Variants in DNAJC5B observed in about 807,000 individuals in gnomAD.
The protein encoded by DNAJC5B is dnaJ homolog subfamily C member 5B.
In DNAJC5B, 23 loss-of-function variants were observed where a neutral mutation model predicts 24.7. The ratio of observed to expected loss-of-function variants is 0.93; its 90% confidence interval spans 0.67 to 1.32. DNAJC5B has a LOEUF of 1.32. Among genes scored for constraint, DNAJC5B ranks in the 40% most tolerant of loss-of-function variants. The pLI is 0.00. For synonymous variants in DNAJC5B, 101 were observed against 90.1 expected, an observed-to-expected ratio of 1.12 and a Z score of -0.68; for missense variants, 238 against 240.8, an observed-to-expected ratio of 0.99 and a Z score of 0.08.
intron 3 of DNAJC5B, among the ~76,000 whole-genome samples, chr8:66,068,901 G>A (rs1479637539): frequency 6.6e-6 from 1 of 152,070 alleles, no homozygotes; most frequent in Admixed American, 6.6e-5. Context: ...TCCAACCAAG[G>A]TAACAGAAGC....
At chr8:66,024,076 G>GT (rs1207114817) in intron 1 of DNAJC5B, among the ~76,000 whole-genome samples, 3 of 152,138 alleles carry the variant, frequency 2.0e-5, no homozygotes, top group Admixed American at 6.5e-5. Flanking sequence ...GAGATGTCTG[G>GT]TAAGTATTTT....
chr8:66,069,014 CAT>C (rs1491280901), intron 3 of DNAJC5B, among the ~76,000 whole-genome samples: 2 of 151,810 alleles, frequency 1.3e-5, no homozygotes, highest in Admixed American at 1.3e-4. Flanking sequence ...GAAATAAAGA[CAT>C]ATTTTTTTTT....
intron 3 of DNAJC5B, among the ~76,000 whole-genome samples, chr8:66,071,038 T>C (rs1807336407): frequency 6.6e-6 from 1 of 152,148 alleles, no homozygotes; most frequent in African/African-American, 2.4e-5. Context: ...TTACACCTTA[T>C]ACAAAAATCA....
chr8:66,041,249 A>G (rs905808091), intron 1 of DNAJC5B, among the ~76,000 whole-genome samples: 4 of 152,226 alleles, frequency 2.6e-5, no homozygotes, highest in Non-Finnish European at 5.9e-5. Context: ...TTTGTTCATC[A>G]TGTCCTTGCA....
chr8:66,066,910 C>G (rs1807228580), intron 3 of DNAJC5B, among the ~76,000 whole-genome samples: 1 of 152,058 alleles, frequency 6.6e-6, no homozygotes, highest in South Asian at 2.1e-4. Flanking sequence ...GTATAAAAAC[C>G]TGACTTTGGT....
chr8:66,045,114 G>T lies in DNAJC5B; in HGVS notation c.-18+1503G>T, dbSNP rs549504753. Among the ~76,000 whole-genome samples, 5 of 152,260 alleles carry T rather than the reference G, an allele frequency of 3.3e-5. No individual in the cohort carries two copies. In the South Asian group the frequency reaches 1.0e-3, roughly 32 times the overall value. The stretch of plus-strand genomic sequence containing the variant: ...ATCTGGTTTCTAGCTTAACAAGGAG[G>T]CAGAAAAAGTAGTGTGTTGTTGCTG... On this transcript the variant is annotated intron_variant, in intron 2 of 5. Coordinates refer to ENST00000276570, the MANE Select transcript of DNAJC5B (RefSeq NM_033105.6).
chr8:66,018,415 G>T (rs1806019339), upstream of DNAJC5B, among the ~76,000 whole-genome samples: 3 of 152,070 alleles, frequency 2.0e-5, no homozygotes, highest in African/African-American at 7.2e-5. Flanking sequence ...AGCTACTAAG[G>T]AAGCTGAGGC....
intron 5 of DNAJC5B, among the ~76,000 whole-genome samples, chr8:66,091,097 T>C (rs1472699197): frequency 1.3e-5 from 2 of 152,176 alleles, no homozygotes; most frequent in Non-Finnish European, 2.9e-5. Flanking sequence ...TTTATTGAGA[T>C]AGTCTTTCAA....
intron 3 of DNAJC5B, among the ~76,000 whole-genome samples, chr8:66,071,158 TA>T (rs1446865264): frequency 1.3e-5 from 2 of 152,098 alleles, no homozygotes; most frequent in African/African-American, 4.8e-5. Context: ...ACTTCATGAC[TA>T]AAACACCAAA....
chr8:66,031,995 C>T (rs1806370494), intron 1 of DNAJC5B, among the ~76,000 whole-genome samples: 1 of 152,236 alleles, frequency 6.6e-6, no homozygotes, highest in Non-Finnish European at 1.5e-5. Flanking sequence ...GCCACAAAGA[C>T]CTCCCATATG....
chr8:66,037,320 T>TC (rs1372700271), intron 1 of DNAJC5B, among the ~76,000 whole-genome samples: 1 of 152,016 alleles, frequency 6.6e-6, no homozygotes, highest in African/African-American at 2.4e-5. Context: ...CCTAAAAGGC[T>TC]CTGGAAGGAG....
At chr8:66,035,881 C>T (rs1414117999) in intron 1 of DNAJC5B, among the ~76,000 whole-genome samples, 1 of 152,100 alleles carries the variant, frequency 6.6e-6, no homozygotes, top group Non-Finnish European at 1.5e-5. Flanking sequence ...CCTAGGGGAC[C>T]TTCCCTCTTC....
At chr8:66,065,032 A>C (rs759310686) in intron 3 of DNAJC5B, among the ~76,000 whole-genome samples, 3 of 152,232 alleles carry the variant, frequency 2.0e-5, no homozygotes, top group Non-Finnish European at 4.4e-5. Context: ...AAGTCAAGTT[A>C]ATACACATTC....
chr8:66,019,839 T>A (rs2128954295), upstream of DNAJC5B, among the ~76,000 whole-genome samples: 1 of 152,334 alleles, frequency 6.6e-6, no homozygotes, highest in African/African-American at 2.4e-5. Flanking sequence ...TGTAGCTAAA[T>A]ATTTTTCATA....
chr8:66,039,632 G>A (rs1377425732), intron 1 of DNAJC5B, among the ~76,000 whole-genome samples: 4 of 152,178 alleles, frequency 2.6e-5, no homozygotes, highest in Non-Finnish European at 5.9e-5. Flanking sequence ...TTACAGGCAT[G>A]AGCCACTGCG....
chr8:66,027,357 C>T (rs1013243665), intron 1 of DNAJC5B, among the ~76,000 whole-genome samples: 5 of 152,144 alleles, frequency 3.3e-5, no homozygotes, highest in African/African-American at 7.2e-5. Context: ...GGGGTTGTCC[C>T]GTCTCTTCTG....
intron 2 of DNAJC5B, among the ~76,000 whole-genome samples, 195 bp downstream of exon 2, chr8:66,043,806 T>C (rs1417863655): frequency 6.7e-6 from 1 of 150,130 alleles, no homozygotes; most frequent in Non-Finnish European, 1.5e-5. Context: ...TAAGGATTAG[T>C]GCAATGAAAA....
At chr8:66,077,697 T>C (rs192929580) in intron 4 of DNAJC5B, among the ~76,000 whole-genome samples, 10 of 152,344 alleles carry the variant, frequency 6.6e-5, no homozygotes, top group African/African-American at 2.2e-4. Context: ...AAAGGCAGGT[T>C]TACTAGTAGT....
At chr8:66,068,445 T>C (rs13439700) in intron 3 of DNAJC5B, among the ~76,000 whole-genome samples, 6,668 of 151,890 alleles carry the variant, frequency 0.044, 498 homozygotes, top group African/African-American at 0.15. Flanking sequence ...GAGAGTTGAC[T>C]AGAAGATAGC....
Sources: allele counts gnomAD v4.1 joint callset (sites outside exome capture counted in the v4.1 genomes callset), GRCh38; gene constraint gnomAD v4.1.1; transcripts MANE v1.5; gene names NCBI Gene and HGNC (gene_info 2026-07-23, HGNC 2026-07-21).